Variants in ZHX2 observed in about 807,000 individuals in gnomAD.
The protein encoded by ZHX2 is zinc fingers and homeoboxes 2.
In ZHX2, 6 loss-of-function variants were observed where a neutral mutation model predicts 21.9. The ratio of observed to expected loss-of-function variants is 0.27; its 90% confidence interval spans 0.15 to 0.54. The LOEUF is 0.54. Among genes scored for constraint, ZHX2 ranks in the 20% least tolerant of loss-of-function variants. The pLI, the probability that ZHX2 is intolerant of heterozygous loss-of-function variation, is 0.95. For missense variants in ZHX2, 908 were observed against 1,090.7 expected (o/e 0.83, Z 2.36); for synonymous variants, 434 against 437.1 (o/e 0.99, Z 0.09).
At chr8:122,905,379 A>T (rs561115212) in intron 2 of ZHX2, among the ~76,000 whole-genome samples, 85 of 152,002 alleles carry the variant, frequency 5.6e-4, no homozygotes, top group African/African-American at 1.8e-3. Context: ...ATGGCACAAC[A>T]TTTTTTTTAA....
At chr8:122,941,357 C>T (rs920618282) in intron 2 of ZHX2, among the ~76,000 whole-genome samples, 3 of 152,218 alleles carry the variant, frequency 2.0e-5, no homozygotes. Context: ...TCCGTTTGAG[C>T]AACTAAGCAA....
intron 2 of ZHX2, among the ~76,000 whole-genome samples, chr8:122,882,957 GGGTGGCAGAGT>G (rs1819749755): frequency 6.6e-6 from 1 of 152,110 alleles, no homozygotes; most frequent in South Asian, 2.1e-4. Context: ...ACTCCAGCCT[GGGTGGCAGAGT>G]GAGACTCTGT....
chr8:122,892,364 T>A (rs1203855122), intron 2 of ZHX2, among the ~76,000 whole-genome samples: 1 of 152,200 alleles, frequency 6.6e-6, no homozygotes, highest in Non-Finnish European at 1.5e-5. Flanking sequence ...GGGTCTTGTG[T>A]TTAACTCATT....
At chr8:122,814,326 G>A (rs547800612) in intron 1 of ZHX2, among the ~76,000 whole-genome samples, 1 of 152,324 alleles carries the variant, frequency 6.6e-6, no homozygotes, top group Admixed American at 6.5e-5. Context: ...GATTGCTGAA[G>A]GGTTGACACC....
intron 1 of ZHX2, chr8:122,810,388 T>A (rs997851052): frequency 2.0e-5 from 3 of 152,258 alleles, no homozygotes; most frequent in African/African-American, 7.2e-5. Context: ...AAGTGGTCAC[T>A]ATCATTTCAC....
chr8:122,887,127 T>C (rs1163511953), intron 2 of ZHX2, among the ~76,000 whole-genome samples: 1 of 149,354 alleles, frequency 6.7e-6, no homozygotes, highest in African/African-American at 2.5e-5. Context: ...GAAGTGGGTG[T>C]GAAGTGCATG....
At chr8:122,946,137 C>T (rs1812970249) in intron 2 of ZHX2, among the ~76,000 whole-genome samples, 1 of 152,212 alleles carries the variant, frequency 6.6e-6, no homozygotes, top group African/African-American at 2.4e-5. Flanking sequence ...CATTCATTCA[C>T]TTATTTTTTA....
intron 2 of ZHX2, among the ~76,000 whole-genome samples, chr8:122,886,423 C>A (rs1177647446): frequency 1.3e-5 from 2 of 152,114 alleles, no homozygotes; most frequent in Non-Finnish European, 2.9e-5. Context: ...TTGTCAAAAC[C>A]CATAGAACTG....
intron 2 of ZHX2, among the ~76,000 whole-genome samples, chr8:122,896,477 A>C (rs1055012616): frequency 1.3e-5 from 2 of 152,202 alleles, no homozygotes; most frequent in African/African-American, 4.8e-5. Flanking sequence ...TATCTTATAA[A>C]ATCTCTACAG....
chr8:122,849,805 C>A (rs1283063894), intron 1 of ZHX2, among the ~76,000 whole-genome samples: 1 of 152,156 alleles, frequency 6.6e-6, no homozygotes, highest in East Asian at 1.9e-4. Flanking sequence ...CACGATCAAC[C>A]CATTACACTC....
intron 2 of ZHX2, among the ~76,000 whole-genome samples, chr8:122,909,197 G>A (rs1169404407): frequency 2.6e-5 from 4 of 152,086 alleles, no homozygotes; most frequent in South Asian, 2.1e-4. Context: ...TTGGGAGATC[G>A]AGGTGGGTGG....
At position 122,783,219 on chromosome 8, in the gene ZHX2, G is replaced by T. The variant is rs529634902; in HGVS notation, c.-283+1273G>T. 2.6e-5 allele frequency among the ~76,000 whole-genome samples: 4 copies of T among 152,242 alleles called. No homozygotes were observed. The East Asian group carries it at 5.8e-4, about 22-fold the overall frequency. ...CGCGGTGGCCTTTTGTTTGTCTGGGGCGTGGAGAAGGAGAGAAGTCGATGA... is the reference window on the plus strand; with the variant it reads ...CGCGGTGGCCTTTTGTTTGTCTGGGTCGTGGAGAAGGAGAGAAGTCGATGA... On this transcript the variant is annotated intron_variant, in intron 1 of 3. Coordinates refer to ENST00000314393, the MANE Select transcript of ZHX2 (RefSeq NM_014943.5).
intron 2 of ZHX2, among the ~76,000 whole-genome samples, chr8:122,948,647 C>T (rs1034922490): frequency 2.6e-5 from 4 of 152,134 alleles, no homozygotes; most frequent in African/African-American, 9.7e-5. Context: ...TAGATCGATA[C>T]ACAGATTAGA....
intron 2 of ZHX2, among the ~76,000 whole-genome samples, chr8:122,877,213 C>G (rs1337954167): frequency 2.0e-5 from 3 of 152,182 alleles, no homozygotes; most frequent in African/African-American, 7.2e-5. Flanking sequence ...ACACTATCTA[C>G]CTTAACCATT....
At chr8:122,841,735 G>C (rs1172361351) in intron 1 of ZHX2, among the ~76,000 whole-genome samples, 1 of 152,162 alleles carries the variant, frequency 6.6e-6, no homozygotes, top group Non-Finnish European at 1.5e-5. Flanking sequence ...CCCTGCTTTT[G>C]TGGAGCTGAT....
intron 2 of ZHX2, among the ~76,000 whole-genome samples, chr8:122,881,153 G>A (rs552549151): frequency 6.6e-6 from 1 of 152,308 alleles, no homozygotes; most frequent in African/African-American, 2.4e-5. Context: ...ATCCGTGCGG[G>A]AGCACTCGGG....
At chr8:122,866,109 C>T (rs370140685) in intron 2 of ZHX2, among the ~76,000 whole-genome samples, 9 of 152,292 alleles carry the variant, frequency 5.9e-5, no homozygotes, top group African/African-American at 1.9e-4. Context: ...TCCTTCCCTC[C>T]GGGAAGTAGT....
chr8:122,839,472 G>T (rs1487800838), intron 1 of ZHX2, among the ~76,000 whole-genome samples: 1 of 152,086 alleles, frequency 6.6e-6, no homozygotes, highest in Non-Finnish European at 1.5e-5. Flanking sequence ...ACTCCAAGGG[G>T]TCCTCCCTGT....
intron 3 of ZHX2, among the ~76,000 whole-genome samples, chr8:122,970,484 G>A (rs1813693632): frequency 6.6e-6 from 1 of 152,108 alleles, no homozygotes; most frequent in African/African-American, 2.4e-5. Flanking sequence ...GTGAGACTCT[G>A]GGAGGTTAAG....
Sources: allele counts gnomAD v4.1 joint callset (sites outside exome capture counted in the v4.1 genomes callset), GRCh38; gene constraint gnomAD v4.1.1; transcripts MANE v1.5; gene names NCBI Gene and HGNC (gene_info 2026-07-23, HGNC 2026-07-21).